The following FGF14 variants were observed in gnomAD, a reference collection of about 807,000 sequenced individuals.
FGF14 encodes the protein fibroblast growth factor 14.
FGF14 carries 5 observed loss-of-function variants against 25.5 expected under a neutral mutation model. The ratio of observed to expected loss-of-function variants is 0.20; its 90% CI spans 0.10 to 0.41. The LOEUF (loss-of-function observed/expected upper bound fraction) is 0.41, where lower values mean the gene tolerates loss of function less well. Among genes scored for constraint, FGF14 ranks in the 10% least tolerant of loss-of-function variants. The pLI is 1.00. For missense variants in FGF14, 222 were observed against 320.1 expected, an observed-to-expected ratio of 0.69 and a Z score of 2.34; for synonymous variants, 138 against 118.3, an observed-to-expected ratio of 1.17 and a Z score of -1.08.
chr13:102,059,723 C>G (rs1029302809), intron 1 of FGF14, among the ~76,000 whole-genome samples: 9 of 151,972 alleles, frequency 5.9e-5, no homozygotes, highest in African/African-American at 2.2e-4. Flanking sequence ...TGGTTCTGCA[C>G]GCCTGTAGCC....
At chr13:102,126,000 C>T (rs1412898797) in intron 1 of FGF14, among the ~76,000 whole-genome samples, 1 of 152,152 alleles carries the variant, frequency 6.6e-6, no homozygotes, top group Non-Finnish European at 1.5e-5. Context: ...GCTCTTCTCT[C>T]TCAATTCCCT....
At chr13:101,929,163 T>C (rs929989977) in intron 1 of FGF14, among the ~76,000 whole-genome samples, 1 of 152,186 alleles carries the variant, frequency 6.6e-6, no homozygotes, top group African/African-American at 2.4e-5. Context: ...GATGTTGACA[T>C]AGGCGCTTGT....
rs1782759275 is a variant in FGF14 at position 101,896,294 on chromosome 13, C to T, written c.193+20159G>A. On this transcript the variant is annotated intron_variant, in intron 1 of 4. Transcript: ENST00000376143. The stretch of plus-strand genomic sequence containing the variant: ...CTTCCCATACCACCAAGGACAGTTT[C>T]AGATGATGGCACTCACACTAAGGTG... 2.0e-5 allele frequency among the ~76,000 whole-genome samples: 3 copies of T among 152,128 alleles called. No individual in the cohort carries two copies. In the South Asian group the frequency reaches 6.2e-4, roughly 32 times the overall value.
At chr13:101,980,295 C>T (rs1393795460) in intron 1 of FGF14, among the ~76,000 whole-genome samples, 1 of 150,920 alleles carries the variant, frequency 6.6e-6, no homozygotes, top group Non-Finnish European at 1.5e-5. Context: ...TTGGACTTTA[C>T]AGGGATTTAG....
rs534592588 is a variant in FGF14, at chr13:102,362,294, C to T, written c.208+39177G>A. 5.3e-5 allele frequency among the ~76,000 whole-genome samples: 8 copies of T among 152,278 alleles called. 1 individual carries two copies. Among genetic ancestry groups the T allele is most frequent in the African/African-American group, 1.9e-4 (8 of 41,564 alleles). ...TGCTGGGACTGTACTTTCCTCCTCA[C>T]CCCTATTTTATCCTTTTTCTGGCTC... On this transcript the variant is annotated intron_variant, in intron 1 of 4. Transcript: ENST00000376131.
At position 102,311,239 on chromosome 13, in the gene FGF14, G is replaced by A. The variant is rs373106543; in HGVS notation, c.208+90232C>T. On this transcript the variant is annotated intron_variant, in intron 1 of 4. Coordinates refer to the FGF14 transcript ENST00000376131. Reference sequence around the variant, plus strand: ...AGAACAAGGATGTTCTTTTCTAAGAGGGTCATGAACAGATCACACTGCATT... The same window carrying A: ...AGAACAAGGATGTTCTTTTCTAAGAAGGTCATGAACAGATCACACTGCATT... 1.5e-3 allele frequency among the ~76,000 whole-genome samples: 234 copies of A among 152,232 alleles called. 2 individuals carry two copies. The highest frequency in any genetic ancestry group is 5.2e-3 in the African/African-American group (214 of 41,524).
At chr13:102,135,263 T>C (rs1442247642) in intron 1 of FGF14, among the ~76,000 whole-genome samples, 2 of 152,018 alleles carry the variant, frequency 1.3e-5, no homozygotes, top group Admixed American at 1.3e-4. Context: ...GTCTACACAC[T>C]AGGAAAAAAT....
In FGF14 at chr13:101,717,921, T is replaced by G. The variant is rs963239751; in HGVS notation, c.*4910A>C. The G allele has an allele frequency of 6.6e-6, 1 of 152,146 alleles. No individual in the cohort carries two copies. Among genetic ancestry groups the G allele is most frequent in the Non-Finnish European group, 1.5e-5 (1 of 68,014 alleles). The allele number at this position is 152,146 out of a possible 1,614,324, so 9.4% of individuals were successfully genotyped here. A position where few individuals can be genotyped will look rare whatever the true frequency, so the allele number is the denominator to read the frequency against. On this transcript the variant is annotated 3_prime_UTR_variant, in exon 5 of 5. Coordinates refer to ENST00000376143, the MANE Select transcript of FGF14 (RefSeq NM_004115.4). ...TTAACAACAACAACTACAACAAAAG[T>G]GCTGCTCTTTTTCATAGTCTCATGT... is the stretch of plus-strand genomic sequence containing the variant.
chr13:102,246,306 G>A (rs2051864971), intron 1 of FGF14, among the ~76,000 whole-genome samples: 1 of 152,034 alleles, frequency 6.6e-6, no homozygotes, highest in Non-Finnish European at 1.5e-5. Context: ...ATAATGTTAA[G>A]ATTTTCAAAT....
chr13:101,757,668 A>G (rs1249741570), intron 3 of FGF14, among the ~76,000 whole-genome samples: 1 of 152,162 alleles, frequency 6.6e-6, no homozygotes, highest in African/African-American at 2.4e-5. Flanking sequence ...ATGTATTTCA[A>G]TCTCAAACCT....
intron 1 of FGF14, among the ~76,000 whole-genome samples, chr13:102,314,598 C>T (rs1197740945): frequency 6.6e-6 from 1 of 152,138 alleles, no homozygotes; most frequent in Admixed American, 6.5e-5. Context: ...ATCACAGAAA[C>T]TCACAATTAT....
At chr13:102,290,525 A>G (rs2054331734) in intron 1 of FGF14, among the ~76,000 whole-genome samples, 1 of 152,176 alleles carries the variant, frequency 6.6e-6, no homozygotes, top group Admixed American at 6.5e-5. Flanking sequence ...CCTGAGTGCA[A>G]CAGTTAACAG....
chr13:101,715,628 A>G lies in FGF14; in HGVS notation c.*7203T>C, dbSNP rs1335942584. The G allele has an allele frequency of 6.2e-7, 1 of 1,612,862 alleles. No individual in the cohort carries two copies. Among genetic ancestry groups the G allele is most frequent in the South Asian group, 1.1e-5 (1 of 91,060 alleles). ...TGGATGGAATGGAAATGCATGTGAA[A>G]TCTGGCTTGGCTCAGAATATCCTTA... is the stretch of plus-strand genomic sequence containing the variant. On this transcript the variant is annotated 3_prime_UTR_variant, in exon 5 of 5. Coordinates refer to ENST00000376143, the MANE Select transcript of FGF14 (RefSeq NM_004115.4).
chr13:102,147,387 A>G lies in FGF14; in HGVS notation c.208+254084T>C, dbSNP rs16959833. 4.7e-3 allele frequency among the ~76,000 whole-genome samples: 713 copies of G among 152,348 alleles called. 6 individuals carry two copies. Among genetic ancestry groups the G allele is most frequent in the African/African-American group, 0.015 (627 of 41,578 alleles). The stretch of plus-strand genomic sequence containing the variant: ...TCTGAATATGCAGGTGTATGTGTTC[A>G]TAGTGCAGGCCATTTATTCAGCATT... On this transcript the variant is annotated intron_variant, in intron 1 of 4. Coordinates refer to the FGF14 transcript ENST00000376131.
chr13:102,207,587 C>A (rs1479179779), intron 1 of FGF14, among the ~76,000 whole-genome samples: 1 of 112,594 alleles, frequency 8.9e-6, no homozygotes, highest in South Asian at 2.9e-4. Flanking sequence ...ACACGTTTTG[C>A]AACATCTGTC....
At chr13:102,215,821 G>A (rs1403638453) in intron 1 of FGF14, among the ~76,000 whole-genome samples, 4 of 152,154 alleles carry the variant, frequency 2.6e-5, no homozygotes, top group African/African-American at 9.7e-5. Context: ...GAATAGGGAC[G>A]ACGCTATGTA....
chr13:102,177,471 T>G (rs970866182), intron 1 of FGF14, among the ~76,000 whole-genome samples: 11 of 152,188 alleles, frequency 7.2e-5, no homozygotes, highest in Non-Finnish European at 1.5e-4. Flanking sequence ...GCTTCTTTCT[T>G]TCTTTCCAAG....
intron 1 of FGF14, among the ~76,000 whole-genome samples, chr13:102,005,011 T>A (rs376079698): frequency 6.6e-6 from 1 of 152,198 alleles, no homozygotes; most frequent in Non-Finnish European, 1.5e-5. Context: ...CATAGCAGCA[T>A]GAAAATGAAC....
intron 1 of FGF14, among the ~76,000 whole-genome samples, chr13:101,904,930 T>C (rs1161065124): frequency 6.6e-6 from 1 of 152,186 alleles, no homozygotes; most frequent in African/African-American, 2.4e-5. Flanking sequence ...GCAAAGGCAT[T>C]GGGATGCAGA....
Sources: allele counts gnomAD v4.1 joint callset (sites outside exome capture counted in the v4.1 genomes callset), GRCh38; gene constraint gnomAD v4.1.1; transcripts MANE v1.5; gene names NCBI Gene and HGNC (gene_info 2026-07-23, HGNC 2026-07-21).